PLEKHA8: variants seen among roughly 807,000 people sequenced by gnomAD.
PLEKHA8 encodes pleckstrin homology domain containing A8.
PLEKHA8 carries 36 observed loss-of-function variants against 68.2 expected under a neutral mutation model. The ratio of observed to expected loss-of-function variants is 0.53; its 90% CI spans 0.40 to 0.70. The LOEUF is 0.70. Ranked by LOEUF, PLEKHA8 falls within the 30% of genes least tolerant of loss-of-function variation. The probability of loss-of-function intolerance (pLI) is 0.00; values close to 1 mark genes in which losing one functional copy is unlikely to be tolerated. For synonymous variants in PLEKHA8, 211 were observed against 216.1 expected, an observed-to-expected ratio of 0.98 and a Z score of 0.20; for missense variants, 505 against 615.4, an observed-to-expected ratio of 0.82 and a Z score of 1.90.
rs371400224 is a variant in PLEKHA8 at position 30,082,446 on chromosome 7, C to A, written c.*3659C>A. The A allele has an allele frequency of 1.3e-4, 130 of 985,310 alleles. No individual in the cohort carries two copies. Among genetic ancestry groups the A allele is most frequent in the Non-Finnish European group, 1.4e-4 (119 of 829,942 alleles). 61.0% of individuals were successfully genotyped at this position (985,310 alleles called of 1,614,324 possible). A position where few individuals can be genotyped will look rare whatever the true frequency, so the allele number is the denominator to read the frequency against. ...CAGTGGGGATTCTGTTCCCCCACCC[C>A]CCAGACTGCAAGAGCTTCTTAAGAA... On this transcript the variant is annotated 3_prime_UTR_variant, in exon 14 of 14. Coordinates refer to ENST00000449726, the MANE Select transcript of PLEKHA8 (RefSeq NM_001197026.2).
Position 30,129,368 on chromosome 7 carries a change from G to C in PLEKHA8, c.*97G>C, listed in dbSNP as rs971141421. 555 of 1,605,400 alleles carry C rather than the reference G, an allele frequency of 3.5e-4. 4 individuals are homozygous for C. The highest frequency in any genetic ancestry group is 7.1e-5 in the Non-Finnish European group (83 of 1,173,240). On this transcript the variant is annotated 3_prime_UTR_variant, in exon 14 of 14. Transcript: ENST00000396257. ...ACTAAGGACGGTAAAGCAGAAAGAA[G>C]AGCTGAAACCCTGATGATAAAGAAG...
intron 13 of PLEKHA8, among the ~76,000 whole-genome samples, chr7:30,124,886 G>GT (rs1010361009): frequency 1.0e-4 from 15 of 148,364 alleles, no homozygotes; most frequent in South Asian, 2.1e-4. Context: ...GTTCTGATAA[G>GT]TTTTTTTTTT....
intron 12 of PLEKHA8, chr7:30,090,121 T>A (rs760333305): frequency 9.1e-6 from 14 of 1,534,536 alleles, no homozygotes; most frequent in Non-Finnish European, 1.2e-5. Flanking sequence ...AAGGAAGGAA[T>A]CTTTAGATTA....
At chr7:30,034,173 T>C (rs1790884214) in intron 1 of PLEKHA8, among the ~76,000 whole-genome samples, 1 of 151,784 alleles carries the variant, frequency 6.6e-6, no homozygotes, top group African/African-American at 2.4e-5. Flanking sequence ...CATGCCTGGC[T>C]AATTTTTTGT....
intron 13 of PLEKHA8, among the ~76,000 whole-genome samples, chr7:30,124,574 C>T (rs1045227255): frequency 2.0e-5 from 3 of 152,104 alleles, no homozygotes; most frequent in Non-Finnish European, 2.9e-5. Flanking sequence ...CGTTGTTTTA[C>T]TGATTAATGC....
At chr7:30,074,929 G>A (rs1449684618) in intron 13 of PLEKHA8, 1 of 152,100 alleles carries the variant, frequency 6.6e-6, no homozygotes, top group Non-Finnish European at 1.5e-5. Context: ...AGGAGTAGAT[G>A]GCTCCTTTAT....
At chr7:30,115,519 CGTATACAT>C (rs1796407850) in intron 13 of PLEKHA8, among the ~76,000 whole-genome samples, 1 of 108,778 alleles carries the variant, frequency 9.2e-6, no homozygotes, top group Non-Finnish European at 2.2e-5. Context: ...TACACATACA[CGTATACAT>C]GTAGACATAT....
chr7:30,119,324 T>C (rs1235145331), intron 13 of PLEKHA8, among the ~76,000 whole-genome samples: 1 of 152,232 alleles, frequency 6.6e-6, no homozygotes, highest in Non-Finnish European at 1.5e-5. Context: ...TTTAATTTCC[T>C]CCTTTTTAGA....
At chr7:30,070,737 G>C (rs997746744) in intron 12 of PLEKHA8, among the ~76,000 whole-genome samples, 22 of 152,014 alleles carry the variant, frequency 1.4e-4, no homozygotes, top group African/African-American at 5.1e-4. Context: ...GTAGAGACAG[G>C]GTTTCACCGT....
At chr7:30,053,137 C>T (rs1007779633) in intron 7 of PLEKHA8, among the ~76,000 whole-genome samples, 1 of 152,158 alleles carries the variant, frequency 6.6e-6, no homozygotes, top group African/African-American at 2.4e-5. Flanking sequence ...GGCCTTCAAC[C>T]CTGTATCTTA....
chr7:30,085,769 G>A (rs536086979), downstream of PLEKHA8, among the ~76,000 whole-genome samples: 1 of 152,190 alleles, frequency 6.6e-6, no homozygotes, highest in East Asian at 1.9e-4. Flanking sequence ...AGTGGTAGGT[G>A]CTTGAGCAAA....
At chr7:30,074,669 C>G (rs1794504482) in intron 13 of PLEKHA8, among the ~76,000 whole-genome samples, 1 of 151,878 alleles carries the variant, frequency 6.6e-6, no homozygotes, top group African/African-American at 2.4e-5. Context: ...ATTCTTAGGT[C>G]TTAGTTGATT....
At chr7:30,114,290 T>C (rs1796359896) in intron 13 of PLEKHA8, among the ~76,000 whole-genome samples, 1 of 152,182 alleles carries the variant, frequency 6.6e-6, no homozygotes, top group South Asian at 2.1e-4. Flanking sequence ...TTAACACACT[T>C]AATCCTTACA....
In PLEKHA8 at chr7:30,129,265, G is replaced by A; in HGVS notation, c.1363-1G>A. On this transcript the variant is annotated splice_acceptor_variant, in intron 13 of 13. Transcript: ENST00000396257. LOFTEE classifies it high-confidence loss of function. The stretch of plus-strand genomic sequence containing the variant: ...TCCTTCCCTCTTTTATCCTGGTGTA[G>A]GTGTAGGAATGTGGGTGTAGACGGA... The A allele has an allele frequency of 4.3e-6, 7 of 1,612,848 alleles. No homozygotes were observed. The highest frequency in any genetic ancestry group is 5.9e-6 in the Non-Finnish European group (7 of 1,179,882).
rs1196431649 is a variant in PLEKHA8 at position 30,079,195 on chromosome 7, G to A, written c.*408G>A. 1 of 1,006,938 alleles carries A rather than the reference G, an allele frequency of 9.9e-7. No individual in the cohort carries two copies. Among genetic ancestry groups the A allele is most frequent in the Non-Finnish European group, 1.2e-6 (1 of 843,064 alleles). 62.4% of individuals were successfully genotyped at this position (1,006,938 alleles called of 1,614,324 possible). On this transcript the variant is annotated 3_prime_UTR_variant, in exon 14 of 14. Coordinates refer to ENST00000449726, the MANE Select transcript of PLEKHA8 (RefSeq NM_001197026.2). Reference sequence around the variant, plus strand: ...CATAGCCAGTGTTTCAGCCAACTTAGACTAGACATTTGGAGGTAGTATAAG... The same window carrying A: ...CATAGCCAGTGTTTCAGCCAACTTAAACTAGACATTTGGAGGTAGTATAAG...
At chr7:30,110,312 T>G (rs1019292158) in intron 13 of PLEKHA8, among the ~76,000 whole-genome samples, 8 of 152,344 alleles carry the variant, frequency 5.3e-5, no homozygotes, top group African/African-American at 1.9e-4. Context: ...CTTAGCACAT[T>G]TTGCAGATTC....
At chr7:30,112,048 AAC>A (rs1189569476) in intron 13 of PLEKHA8, among the ~76,000 whole-genome samples, 3 of 152,254 alleles carry the variant, frequency 2.0e-5, no homozygotes. Flanking sequence ...TTATAGCCAC[AAC>A]AGAGGCCAGA....
intron 13 of PLEKHA8, chr7:30,118,096 T>G: frequency 7.4e-7 from 1 of 1,356,160 alleles, no homozygotes; most frequent in South Asian, 1.6e-5. Flanking sequence ...GACGCCTCTC[T>G]CCAGGGGATC....
chr7:30,079,431 T>C lies in PLEKHA8; in HGVS notation c.*644T>C, dbSNP rs1186335055. ...ACCGTTGCTCTGAGAAGATTAATGG[T>C]GTGCCCTAGCCCCAAGTTGGAGGGG... On this transcript the variant is annotated 3_prime_UTR_variant, in exon 14 of 14. Coordinates refer to ENST00000449726, the MANE Select transcript of PLEKHA8 (RefSeq NM_001197026.2). 2.0e-6 allele frequency: 2 copies of C among 985,456 alleles called. No individual in the cohort carries two copies. 61.0% of individuals were successfully genotyped at this position (985,456 alleles called of 1,614,324 possible).
Sources: gnomAD v4.1 joint callset for allele counts (sites outside exome capture counted in the v4.1 genomes callset) on GRCh38, gnomAD v4.1.1 for gene constraint, MANE v1.5 for transcripts, NCBI Gene and HGNC (gene_info 2026-07-23, HGNC 2026-07-21) for gene names.